The following NDUFB9 variants were observed in gnomAD, a reference collection of about 807,000 sequenced individuals.
NDUFB9 encodes the protein NADH dehydrogenase [ubiquinone] 1 beta subcomplex subunit 9.
In NDUFB9, 24 loss-of-function variants were observed where a neutral mutation model predicts 30.2. The ratio of observed to expected loss-of-function variants is 0.80; its 90% CI spans 0.58 to 1.12. The LOEUF (loss-of-function observed/expected upper bound fraction) is 1.12. NDUFB9 is among the 50% of genes most tolerant of loss of function. NDUFB9 has a pLI of 0.00. For synonymous variants in NDUFB9, 80 were observed against 84.0 expected (o/e 0.95, Z 0.26); for missense variants, 204 against 226.0 (o/e 0.90, Z 0.62).
chr8:124,540,077 TAAG>T (rs955066240), intron 1 of NDUFB9, among the ~76,000 whole-genome samples: 3 of 152,160 alleles, frequency 2.0e-5, no homozygotes, highest in African/African-American at 7.2e-5. Context: ...CGTAGTTTTA[TAAG>T]AAGGCCTTCT....
intron 2 of NDUFB9, among the ~76,000 whole-genome samples, chr8:124,545,454 T>C (rs1349051212): frequency 6.6e-6 from 1 of 152,220 alleles, no homozygotes; most frequent in Non-Finnish European, 1.5e-5. Context: ...AACATTGATA[T>C]AATACTCTCC....
chr8:124,544,978 T>C (rs2131609404), intron 2 of NDUFB9, among the ~76,000 whole-genome samples: 1 of 152,282 alleles, frequency 6.6e-6, no homozygotes, highest in East Asian at 1.9e-4. Context: ...TTCCAACCCT[T>C]GTGGGTGATT....
intron 3 of NDUFB9, among the ~76,000 whole-genome samples, chr8:124,548,708 G>T (rs1822230269): frequency 6.6e-6 from 1 of 152,170 alleles, no homozygotes; most frequent in African/African-American, 2.4e-5. Context: ...GGAAGCTGTT[G>T]TCATGATGGA....
intron 1 of NDUFB9, among the ~76,000 whole-genome samples, chr8:124,542,599 C>G (rs1822040000): frequency 2.0e-5 from 3 of 152,178 alleles, no homozygotes; most frequent in African/African-American, 7.2e-5. Context: ...TAAGTTTATG[C>G]AGCTAGTGTC....
chr8:124,547,127 G>C lies in NDUFB9; in HGVS notation c.408+14G>C. 1 of 1,588,122 alleles carries C rather than the reference G, an allele frequency of 6.3e-7. No homozygotes were observed. Among genetic ancestry groups the C allele is most frequent in the Non-Finnish European group, 8.6e-7 (1 of 1,156,670 alleles). On this transcript the variant is annotated intron_variant, in intron 3 of 3. Coordinates refer to ENST00000276689, the MANE Select transcript of NDUFB9 (RefSeq NM_005005.3). ...TGGGAACGAGAGGTGCGTTCTACTT[G>C]TACTTCGTTATTCCTTAGCTATGTA...
chr8:124,541,922 G>GT lies in NDUFB9; in HGVS notation c.102-1156dup, dbSNP rs796715781. On this transcript the variant is annotated intron_variant, in intron 1 of 3. Transcript: ENST00000276689. ...TGGCCTTTTTGTTGTTGTTGTTGTT[G>GT]TTTTTTTTTGAGATGAAGTCTCGCT... 2.5e-3 allele frequency among the ~76,000 whole-genome samples: 365 copies of GT among 148,342 alleles called. 1 individual carries two copies. Among genetic ancestry groups the GT allele is most frequent in the African/African-American group, 6.5e-3 (261 of 40,118 alleles).
intron 1 of NDUFB9, 120 bp from the exon 2 acceptor site, chr8:124,542,967 G>A: frequency 1.0e-6 from 1 of 979,264 alleles, no homozygotes. Flanking sequence ...TCCATTGGGA[G>A]GGTTGGGGTA....
intron 2 of NDUFB9, among the ~76,000 whole-genome samples, chr8:124,546,023 G>T (rs149096137): frequency 3.3e-5 from 5 of 152,208 alleles, no homozygotes; most frequent in African/African-American, 1.2e-4. Flanking sequence ...TGTATTTTTA[G>T]TAGAGACAGC....
intron 3 of NDUFB9, among the ~76,000 whole-genome samples, chr8:124,549,140 G>A (rs763857489): frequency 2.0e-5 from 3 of 152,204 alleles, no homozygotes; most frequent in Non-Finnish European, 4.4e-5. Flanking sequence ...TAAGCAGCAC[G>A]TGTGACTGGA....
intron 3 of NDUFB9, 81 bp downstream of exon 3, chr8:124,547,194 T>C (rs775822971): frequency 1.3e-5 from 13 of 1,025,618 alleles, no homozygotes; most frequent in Non-Finnish European, 9.2e-6. Context: ...AGGTCCAGAT[T>C]CCAGCCATGA....
chr8:124,542,969 G>C, intron 1 of NDUFB9, 118 bp from the exon 2 acceptor site: 1 of 1,029,634 alleles, frequency 9.7e-7, no homozygotes, highest in Non-Finnish European at 1.5e-6. Context: ...CATTGGGAGG[G>C]TTGGGGTAGG....
intron 1 of NDUFB9, among the ~76,000 whole-genome samples, chr8:124,541,315 T>C (rs1408851396): frequency 1.3e-5 from 2 of 152,242 alleles, no homozygotes; most frequent in African/African-American, 4.8e-5. Context: ...AATGGTATTA[T>C]TAGTAATTCA....
chr8:124,544,870 T>C (rs888250587), intron 2 of NDUFB9, among the ~76,000 whole-genome samples: 1 of 152,200 alleles, frequency 6.6e-6, no homozygotes, highest in Non-Finnish European at 1.5e-5. Context: ...AAGTAAAATT[T>C]TCTGGAAAGA....
chr8:124,547,338 G>C, intron 3 of NDUFB9: 1 of 634,512 alleles, frequency 1.6e-6, no homozygotes, highest in South Asian at 1.8e-5. Context: ...TTTTGCTTCA[G>C]ATCTCCTTCT....
chr8:124,543,756 TC>T (rs1311059656), intron 2 of NDUFB9, among the ~76,000 whole-genome samples: 2 of 152,148 alleles, frequency 1.3e-5, no homozygotes, highest in Non-Finnish European at 2.9e-5. Context: ...GACCAATAGT[TC>T]CTCCGCCTCT....
At chr8:124,539,749 C>T (rs908099625) in intron 1 of NDUFB9, among the ~76,000 whole-genome samples, 4 of 152,174 alleles carry the variant, frequency 2.6e-5, no homozygotes, top group African/African-American at 9.7e-5. Context: ...ATGAGCACAG[C>T]TGGTAACTTG....
At chr8:124,542,851 TGGA>T in intron 1 of NDUFB9, 1 of 390,994 alleles carries the variant, frequency 2.6e-6, no homozygotes, top group Non-Finnish European at 4.6e-6. Context: ...ATTCCATTGT[TGGA>T]TGTAAGAGGA....
intron 2 of NDUFB9, 21 bp from the exon 3 acceptor site, chr8:124,546,979 C>T: frequency 1.3e-6 from 2 of 1,548,008 alleles, no homozygotes; most frequent in South Asian, 1.1e-5. Context: ...GGATTGATAC[C>T]ATGATTTCCT....
chr8:124,543,508 C>G (rs567554057), intron 2 of NDUFB9, among the ~76,000 whole-genome samples: 54 of 152,344 alleles, frequency 3.5e-4, no homozygotes, highest in African/African-American at 1.2e-3. Flanking sequence ...CTGAGCAAGT[C>G]TGTGGGCACC....
Sources: gnomAD v4.1 joint callset for allele counts (sites outside exome capture counted in the v4.1 genomes callset) on GRCh38, gnomAD v4.1.1 for gene constraint, MANE v1.5 for transcripts, NCBI Gene and HGNC (gene_info 2026-07-23, HGNC 2026-07-21) for gene names.